The following CELF2 variants were observed in gnomAD, a reference collection of about 807,000 sequenced individuals.
CELF2 encodes the protein CUGBP Elav-like family member 2, also known as CUG triplet repeat RNA-binding protein 2.
Under a neutral mutation model 62.6 loss-of-function variants are expected in CELF2, and 8 were observed. The ratio of observed to expected loss-of-function variants is 0.13; its 90% CI spans 0.07 to 0.23. CELF2 has a LOEUF of 0.23. Among genes scored for constraint, CELF2 ranks in the 10% least tolerant of loss-of-function variants. The pLI is 1.00. For missense variants in CELF2, 333 were observed against 671.0 expected (o/e 0.50, Z 5.56); for synonymous variants, 258 against 250.0 (o/e 1.03, Z -0.30).
the CELF2 span, among the ~76,000 whole-genome samples, chr10:10,467,543 T>C: frequency 6.6e-6 from 1 of 152,076 alleles, no homozygotes; most frequent in African/African-American, 2.4e-5. Context: ...AAAATTGCTT[T>C]GGCTCTTCTA....
At chr10:10,996,390 C>T (rs1241160112) in intron 2 of CELF2, among the ~76,000 whole-genome samples, 1 of 152,188 alleles carries the variant, frequency 6.6e-6, no homozygotes, top group African/African-American at 2.4e-5. Flanking sequence ...TGGTTAGCGT[C>T]GGTGAAGGCA....
At chr10:11,103,487 A>ATTTTTTTTTTTTTT (rs3054364) in intron 1 of CELF2, among the ~76,000 whole-genome samples, 30 of 119,726 alleles carry the variant, frequency 2.5e-4, no homozygotes, top group African/African-American at 9.4e-4. Context: ...TTGTAGCCTG[A>ATTTTTTTTTTTTTT]TTTTTTTTTT....
In CELF2 at chr10:10,993,891, A is replaced by G. The variant is rs2053680342; in HGVS notation, c.89+73892A>G. 6.6e-6 allele frequency among the ~76,000 whole-genome samples: 1 copy of G among 152,216 alleles called. No individual in the cohort carries two copies. Reference sequence around the variant, plus strand: ...TGTGGGGCCCCAATCCAGTAGGACTAGTATCCTTATCAGAAAAAAAAGACA... The same window carrying G: ...TGTGGGGCCCCAATCCAGTAGGACTGGTATCCTTATCAGAAAAAAAAGACA... On this transcript the variant is annotated intron_variant, in intron 2 of 13. Transcript: ENST00000636488. The surrounding 1 kb of genome is among the most constrained non-coding windows in gnomAD (Gnocchi z 5.3).
intron 2 of CELF2, among the ~76,000 whole-genome samples, chr10:10,996,297 T>C (rs537530832): frequency 5.9e-5 from 9 of 152,322 alleles, no homozygotes; most frequent in Admixed American, 3.9e-4. Context: ...TGTTACTTTT[T>C]AGTTATACAT....
chr10:10,586,959 A>G, the CELF2 span, among the ~76,000 whole-genome samples: 1 of 152,136 alleles, frequency 6.6e-6, no homozygotes, highest in Non-Finnish European at 1.5e-5. Context: ...GGATTGATGC[A>G]GGGTACAGGG....
rs2095306593 is a variant in CELF2, at chr10:11,319,539, T to C, written c.1097-1650T>C. ...TACTTGCATGACCCAAAGAAAACAT[T>C]AATGAAAATCTCAATGATTTTCATT... On this transcript the variant is annotated intron_variant, in intron 10 of 12. Coordinates refer to ENST00000633077, the MANE Select transcript of CELF2 (RefSeq NM_001326342.2). The surrounding 1 kb of genome is among the most constrained non-coding windows in gnomAD (Gnocchi z 4.4). 6.6e-6 allele frequency among the ~76,000 whole-genome samples: 1 copy of C among 152,076 alleles called. No homozygotes were observed. Among genetic ancestry groups the C allele is most frequent in the Non-Finnish European group, 1.5e-5 (1 of 68,026 alleles).
the CELF2 span, among the ~76,000 whole-genome samples, chr10:10,644,821 G>C: frequency 6.6e-6 from 1 of 152,178 alleles, no homozygotes; most frequent in African/African-American, 2.4e-5. Context: ...GCAGTTCACA[G>C]TTGCCACCCA....
At chr10:10,774,845 G>A in the CELF2 span, among the ~76,000 whole-genome samples, 1 of 151,746 alleles carries the variant, frequency 6.6e-6, no homozygotes, top group Non-Finnish European at 1.5e-5. Flanking sequence ...TCTTGGGTGA[G>A]CTGATATTTA....
Position 10,947,064 on chromosome 10 carries a change from G to T in CELF2, c.89+27065G>T, listed in dbSNP as rs114306684. 1.5e-3 allele frequency: 226 copies of T among 152,356 alleles called. 2 individuals carry two copies. Among genetic ancestry groups the T allele is most frequent in the African/African-American group, 4.8e-3 (201 of 41,586 alleles). 9.4% of individuals were successfully genotyped at this position (152,356 alleles called of 1,614,324 possible). A position where few individuals can be genotyped will look rare whatever the true frequency, so the allele number is the denominator to read the frequency against. On this transcript the variant is annotated intron_variant, in intron 2 of 13. Coordinates refer to the CELF2 transcript ENST00000636488. The surrounding 1 kb of genome is among the most constrained non-coding windows in gnomAD (Gnocchi z 4.1). Reference sequence around the variant, plus strand: ...GACAGTGGTGTTTTCCATTGCATAGGCATCTTTAGAATGTGCAGTGCATGT... The same window carrying T: ...GACAGTGGTGTTTTCCATTGCATAGTCATCTTTAGAATGTGCAGTGCATGT...
At chr10:10,625,335 C>T in the CELF2 span, among the ~76,000 whole-genome samples, 3 of 152,210 alleles carry the variant, frequency 2.0e-5, no homozygotes, top group African/African-American at 7.2e-5. Context: ...TGACCTTGTA[C>T]TACGGGCAGC....
chr10:10,564,692 A>G, the CELF2 span, among the ~76,000 whole-genome samples: 11 of 150,726 alleles, frequency 7.3e-5, no homozygotes, highest in East Asian at 1.9e-4. Context: ...GCACACACAC[A>G]CACACACACA....
intron 1 of CELF2, among the ~76,000 whole-genome samples, chr10:11,113,588 G>A (rs1008067024): frequency 4.6e-5 from 7 of 152,326 alleles, no homozygotes; most frequent in South Asian, 2.1e-4. Flanking sequence ...TTAAATATAC[G>A]TGGGATACTA....
chr10:10,568,412 A>T, the CELF2 span, among the ~76,000 whole-genome samples: 1 of 152,226 alleles, frequency 6.6e-6, no homozygotes, highest in Admixed American at 6.5e-5. Flanking sequence ...AGTTTACAAA[A>T]GCATAACCTC....
At chr10:10,645,904 G>T in the CELF2 span, among the ~76,000 whole-genome samples, 1 of 152,186 alleles carries the variant, frequency 6.6e-6, no homozygotes, top group East Asian at 1.9e-4. Flanking sequence ...AGGGTAACTC[G>T]TTCTGGTTTT....
chr10:10,776,583 C>G, the CELF2 span: 2 of 159,070 alleles, frequency 1.3e-5, no homozygotes, highest in African/African-American at 2.4e-5. Flanking sequence ...GAGCCCAATG[C>G]GTGTGTCAGC....
At position 11,305,925 on chromosome 10, in the gene CELF2, GC is replaced by G. The variant is rs1158306036; in HGVS notation, c.977-8210del. Among the ~76,000 whole-genome samples the G allele has an allele frequency of 6.6e-6, 1 of 152,168 alleles. No individual in the cohort carries two copies. Among genetic ancestry groups the G allele is most frequent in the African/African-American group, 2.4e-5 (1 of 41,436 alleles). ...TTTCCTGTTCTCCACACCCCACCCT[GC>G]CCCACAAACAGTTTTCACAAAAGGC... is the stretch of plus-strand genomic sequence containing the variant. On this transcript the variant is annotated intron_variant, in intron 9 of 12. Transcript: ENST00000633077. This position sits in a 1 kb window ranked among gnomAD's most constrained non-coding sequence, Gnocchi z 4.8.
At chr10:10,780,475 G>C in the CELF2 span, among the ~76,000 whole-genome samples, 2 of 151,662 alleles carry the variant, frequency 1.3e-5, no homozygotes, top group African/African-American at 2.4e-5. Flanking sequence ...TTGTTTGTTT[G>C]TTTGTTTGTT....
intron 2 of CELF2, among the ~76,000 whole-genome samples, chr10:10,954,187 T>TATAGAGG (rs1313867466): frequency 6.7e-6 from 1 of 150,158 alleles, no homozygotes; most frequent in Non-Finnish European, 1.5e-5. Context: ...GTACAAAATC[T>TATAGAGG]ATAGAGGGCA....
the CELF2 span, among the ~76,000 whole-genome samples, chr10:10,559,448 T>A: frequency 6.6e-6 from 1 of 152,224 alleles, no homozygotes; most frequent in African/African-American, 2.4e-5. Flanking sequence ...GTAAAGTGCC[T>A]AGCACAGCGT....
Sources: gnomAD v4.1 joint callset for allele counts (sites outside exome capture counted in the v4.1 genomes callset) on GRCh38, gnomAD v4.1.1 for gene constraint, Gnocchi (gnomAD v3.1) non-coding constraint, MANE v1.5 for transcripts, NCBI Gene and HGNC (gene_info 2026-07-23, HGNC 2026-07-21) for gene names.